PRELID2: variants seen among roughly 807,000 people sequenced by gnomAD.
PRELID2 encodes the protein PRELI domain containing 2, also known as PRELI domain-containing protein 2.
A neutral mutation model predicts 28.4 loss-of-function variants in PRELID2; 25 were observed. The observed-to-expected ratio is 0.88, with a 90% CI of 0.64 to 1.23. The LOEUF (loss-of-function observed/expected upper bound fraction) is 1.23, where lower values mean the gene tolerates loss of function less well. PRELID2 is among the 50% of genes most tolerant of loss of function. The probability of loss-of-function intolerance (pLI) is 0.00; values close to 1 mark genes in which losing one functional copy is unlikely to be tolerated. For missense variants in PRELID2, 201 were observed against 214.4 expected, an observed-to-expected ratio of 0.94 and a Z score of 0.39; for synonymous variants, 76 against 71.6, an observed-to-expected ratio of 1.06 and a Z score of -0.31.
chr5:145,600,451 A>ATATATGTG (rs1328695707), intron 1 of PRELID2, among the ~76,000 whole-genome samples: 1 of 138,334 alleles, frequency 7.2e-6, no homozygotes, highest in African/African-American at 3.1e-5. Flanking sequence ...ATATATATAT[A>ATATATGTG]TATGTATCTC....
intron 1 of PRELID2, among the ~76,000 whole-genome samples, chr5:145,590,770 C>A (rs1202577296): frequency 6.6e-6 from 1 of 152,072 alleles, no homozygotes; most frequent in Non-Finnish European, 1.5e-5. Context: ...CTCACATATA[C>A]TCCATTTTAT....
At chr5:145,406,305 C>T in the PRELID2 span, among the ~76,000 whole-genome samples, 4 of 152,138 alleles carry the variant, frequency 2.6e-5, no homozygotes. Flanking sequence ...TTTTACCCTT[C>T]TACAGAAACT....
At chr5:145,682,863 CAAG>C (rs1313483770) in intron 1 of PRELID2, among the ~76,000 whole-genome samples, 1 of 152,164 alleles carries the variant, frequency 6.6e-6, no homozygotes, top group Non-Finnish European at 1.5e-5. Context: ...GCATAAAAAT[CAAG>C]AAGCTTTTCA....
chr5:145,252,623 C>T, the PRELID2 span, among the ~76,000 whole-genome samples: 1 of 152,070 alleles, frequency 6.6e-6, no homozygotes, highest in African/African-American at 2.4e-5. Flanking sequence ...TAGCCTTTCT[C>T]CATACCCAGG....
chr5:145,635,897 A>G (rs1378142820), intron 1 of PRELID2, among the ~76,000 whole-genome samples: 3 of 152,296 alleles, frequency 2.0e-5, no homozygotes, highest in East Asian at 3.9e-4. Flanking sequence ...CTGCTCTTCA[A>G]TCCTGGATCT....
At chr5:145,328,016 C>T in the PRELID2 span, among the ~76,000 whole-genome samples, 720 of 152,046 alleles carry the variant, frequency 4.7e-3, 7 homozygotes, top group African/African-American at 0.017. Flanking sequence ...CTCCCACTTA[C>T]AAGTGAGAAC....
At chr5:145,616,463 C>T (rs2149648712) in intron 1 of PRELID2, among the ~76,000 whole-genome samples, 1 of 152,152 alleles carries the variant, frequency 6.6e-6, no homozygotes, top group East Asian at 1.9e-4. Flanking sequence ...TTTCTATACT[C>T]CCTAAGTGTC....
the PRELID2 span, among the ~76,000 whole-genome samples, chr5:145,282,851 T>A: frequency 7.9e-5 from 12 of 152,182 alleles, no homozygotes; most frequent in African/African-American, 2.9e-4. Context: ...CATTTGCATA[T>A]GTAGTGTTTG....
the PRELID2 span, among the ~76,000 whole-genome samples, chr5:145,319,721 A>G: frequency 1.3e-5 from 2 of 151,344 alleles, no homozygotes; most frequent in Non-Finnish European, 2.9e-5. Flanking sequence ...ATAAATAAAT[A>G]AATAAATAAT....
chr5:145,663,954 A>G (rs778191361), intron 1 of PRELID2, among the ~76,000 whole-genome samples: 1 of 152,098 alleles, frequency 6.6e-6, no homozygotes. Flanking sequence ...CATTTTCCAT[A>G]CCAGAATACA....
At chr5:145,592,319 G>A (rs1753241671) in intron 1 of PRELID2, among the ~76,000 whole-genome samples, 1 of 152,058 alleles carries the variant, frequency 6.6e-6, no homozygotes, top group Non-Finnish European at 1.5e-5. Context: ...GCTGAGGAAG[G>A]AGAATGACAC....
At chr5:145,721,511 C>T (rs948253303) in intron 1 of PRELID2, among the ~76,000 whole-genome samples, 2 of 152,034 alleles carry the variant, frequency 1.3e-5, no homozygotes, top group African/African-American at 2.4e-5. Flanking sequence ...AAAGCAAACA[C>T]ATCATATAGA....
intron 1 of PRELID2, among the ~76,000 whole-genome samples, chr5:145,586,031 T>C (rs752526158): frequency 0.071 from 10,831 of 152,130 alleles, 572 homozygotes; most frequent in Admixed American, 0.18. Context: ...TCCAGGCTCT[T>C]AATAACCCTT....
chr5:145,286,702 GTTTTTTTTTGTTTGTTTGTTTGTTTTT>G, the PRELID2 span, among the ~76,000 whole-genome samples: 3 of 96,678 alleles, frequency 3.1e-5, no homozygotes, highest in African/African-American at 1.5e-4. Context: ...AGAAGTTTTT[GTTTTTTTTTGTTTGTTTGTTTGTTTTT>G]TTTTTTTTTT....
At chr5:145,546,335 C>T (rs1410892194) in intron 1 of PRELID2, among the ~76,000 whole-genome samples, 1 of 151,972 alleles carries the variant, frequency 6.6e-6, no homozygotes, top group East Asian at 1.9e-4. Flanking sequence ...ATGCAGTCAT[C>T]AGAGAAAACT....
At chr5:145,426,840 G>A in the PRELID2 span, among the ~76,000 whole-genome samples, 1 of 152,106 alleles carries the variant, frequency 6.6e-6, no homozygotes, top group Non-Finnish European at 1.5e-5. Context: ...AGAATAAGAG[G>A]GAAGAAAATA....
chr5:145,507,771 C>A (rs1434841826), intron 1 of PRELID2, among the ~76,000 whole-genome samples: 1 of 152,132 alleles, frequency 6.6e-6, no homozygotes, highest in South Asian at 2.1e-4. Flanking sequence ...TTCTATCAGA[C>A]CCTAATAAAA....
intron 1 of PRELID2, among the ~76,000 whole-genome samples, chr5:145,554,919 T>C (rs1364994229): frequency 6.6e-6 from 1 of 152,204 alleles, no homozygotes; most frequent in African/African-American, 2.4e-5. Flanking sequence ...TTTTAGGCAA[T>C]TCAAGCAATA....
the PRELID2 span, among the ~76,000 whole-genome samples, chr5:145,406,756 G>C: frequency 2.0e-4 from 30 of 152,232 alleles, no homozygotes; most frequent in Non-Finnish European, 4.1e-4. Context: ...AGTTCATACA[G>C]TGTGAGAGGG....
Sources: allele counts gnomAD v4.1 joint callset (sites outside exome capture counted in the v4.1 genomes callset), GRCh38; gene constraint gnomAD v4.1.1; transcripts MANE v1.5; gene names NCBI Gene and HGNC (gene_info 2026-07-23, HGNC 2026-07-21).